Variants in SNX29 observed in about 807,000 individuals in gnomAD.
SNX29 encodes the protein sorting nexin 29.
In SNX29, 78 loss-of-function variants were observed where a neutral mutation model predicts 102.1. That is an observed-to-expected ratio of 0.76 (90% CI 0.64 to 0.92). SNX29 has a LOEUF of 0.92. Ranked by LOEUF, SNX29 falls within the 40% of genes least tolerant of loss-of-function variation. The probability of loss-of-function intolerance (pLI) is 0.00; values close to 1 mark genes in which losing one functional copy is unlikely to be tolerated. For synonymous variants in SNX29, 580 were observed against 414.5 expected (o/e 1.40, Z -4.85); for missense variants, 1,280 against 1,061.7 (o/e 1.21, Z -2.86).
At chr16:12,013,628 A>T (rs2056752941) in intron 3 of SNX29, among the ~76,000 whole-genome samples, 1 of 145,578 alleles carries the variant, frequency 6.9e-6, no homozygotes, top group South Asian at 2.2e-4. Context: ...TAAATTATTT[A>T]TTTTTATTTA....
At chr16:12,551,729 G>A (rs549254383) in intron 20 of SNX29, among the ~76,000 whole-genome samples, 1 of 152,222 alleles carries the variant, frequency 6.6e-6, no homozygotes, top group Non-Finnish European at 1.5e-5. Context: ...AATGGGGACA[G>A]CTGACAAGAA....
chr16:12,511,768 T>TC (rs771438381), intron 19 of SNX29, among the ~76,000 whole-genome samples: 3 of 151,880 alleles, frequency 2.0e-5, no homozygotes, highest in Non-Finnish European at 4.4e-5. Context: ...TGATCTGTCA[T>TC]CCCCCCTCCC....
In SNX29 at chr16:11,995,532, A is replaced by G. The variant is rs188854564; in HGVS notation, c.8-3765A>G. Among the ~76,000 whole-genome samples, 15 of 152,056 alleles carry G rather than the reference A, an allele frequency of 9.9e-5. No homozygotes were observed. In the East Asian group the frequency reaches 2.5e-3, roughly 25 times the overall value. ...AATCTCGGGTAGTTTTTGTATAAAGAACAGGTTTTTCTTTTCTTCCCCCCC... is the reference window on the plus strand; with the variant it reads ...AATCTCGGGTAGTTTTTGTATAAAGGACAGGTTTTTCTTTTCTTCCCCCCC... On this transcript the variant is annotated intron_variant, in intron 1 of 20. Transcript: ENST00000566228.
chr16:12,031,594 C>T (rs2057346935), intron 4 of SNX29, among the ~76,000 whole-genome samples: 1 of 151,636 alleles, frequency 6.6e-6, no homozygotes, highest in African/African-American at 2.4e-5. Flanking sequence ...ATCATGAGGT[C>T]AGGAAATCGA....
intron 20 of SNX29, among the ~76,000 whole-genome samples, chr16:12,542,759 CTTTT>C (rs36004047): frequency 9.7e-5 from 14 of 144,708 alleles, no homozygotes; most frequent in African/African-American, 1.5e-4. Flanking sequence ...CTATCACTGC[CTTTT>C]TTTTTTTTTT....
chr16:12,002,099 A>G (rs1596561973), intron 2 of SNX29, among the ~76,000 whole-genome samples: 1 of 151,770 alleles, frequency 6.6e-6, no homozygotes, highest in South Asian at 2.1e-4. Context: ...ACACCTAAAG[A>G]TGGTTAAAAT....
chr16:12,010,081 C>G (rs2056596889), intron 3 of SNX29, among the ~76,000 whole-genome samples: 1 of 152,198 alleles, frequency 6.6e-6, no homozygotes, highest in South Asian at 2.1e-4. Flanking sequence ...ATATCCTCAA[C>G]TCTGAAATGG....
In SNX29 at chr16:12,569,274, G is replaced by A. The variant is rs2079134444; in HGVS notation, c.*645G>A. 4.4e-6 allele frequency: 1 copy of A among 228,416 alleles called. No homozygotes were observed. Among genetic ancestry groups the A allele is most frequent in the South Asian group, 1.8e-4 (1 of 5,496 alleles). 14.1% of individuals were successfully genotyped at this position (228,416 alleles called of 1,614,324 possible). On this transcript the variant is annotated 3_prime_UTR_variant, in exon 21 of 21. Coordinates refer to ENST00000566228, the MANE Select transcript of SNX29 (RefSeq NM_032167.5). ...TAGTGATGTGCAACTTGAGTTCAGA[G>A]AACTTCCCCTACCTCCCCCATGGCT...
chr16:12,350,278 C>T (rs139369473), intron 15 of SNX29, among the ~76,000 whole-genome samples: 3 of 152,172 alleles, frequency 2.0e-5, no homozygotes, highest in Non-Finnish European at 4.4e-5. Flanking sequence ...TGAACGTGTA[C>T]AGACTTTTTT....
At chr16:12,447,165 C>CAAAA (rs59942122) in intron 18 of SNX29, among the ~76,000 whole-genome samples, 20 of 43,912 alleles carry the variant, frequency 4.6e-4, no homozygotes, top group South Asian at 1.4e-3. Flanking sequence ...GACTCTGTCT[C>CAAAA]AAAAAAAAAA....
chr16:12,569,128 G>A lies in SNX29; in HGVS notation c.*499G>A, dbSNP rs865775386. ...CTAGGGATGGCTGGCTTTGCGGGGG[G>A]GGGGGGGGGGGGGGGCATGGTTCCT... On this transcript the variant is annotated 3_prime_UTR_variant, in exon 21 of 21. Transcript: ENST00000566228. 1.2e-4 allele frequency: 7 copies of A among 58,268 alleles called. No individual in the cohort carries two copies. The South Asian group carries it at 1.9e-3, about 16-fold the overall frequency. The allele number at this position is 58,268 out of a possible 1,614,324, so 3.6% of individuals were successfully genotyped here.
At chr16:12,233,115 C>G (rs1179217764) in intron 14 of SNX29, among the ~76,000 whole-genome samples, 1 of 151,914 alleles carries the variant, frequency 6.6e-6, no homozygotes, top group African/African-American at 2.4e-5. Flanking sequence ...CTTTGTCTTC[C>G]TCCTCCTCCT....
chr16:12,539,689 C>T (rs1445370662), intron 20 of SNX29, among the ~76,000 whole-genome samples: 1 of 152,192 alleles, frequency 6.6e-6, no homozygotes, highest in African/African-American at 2.4e-5. Flanking sequence ...GCACCCTGGG[C>T]AGCATGTCAT....
Position 12,098,446 on chromosome 16 carries a change from C to T in SNX29, c.1402+19531C>T, listed in dbSNP as rs1240391288. 1.3e-5 allele frequency among the ~76,000 whole-genome samples: 2 copies of T among 152,180 alleles called. No homozygotes were observed. Among genetic ancestry groups the T allele is most frequent in the East Asian group, 3.9e-4 (2 of 5,194 alleles). ...GAATAGGGGGTTGGGCATACTGGAG[C>T]TCCCACTTGCAGTGGCCACCGCGTG... On this transcript the variant is annotated intron_variant, in intron 11 of 20. Coordinates refer to ENST00000566228, the MANE Select transcript of SNX29 (RefSeq NM_032167.5). This position sits in a 1 kb window ranked among gnomAD's most constrained non-coding sequence, Gnocchi z 6.0.
rs143641680 is a variant in SNX29 at position 12,199,154 on chromosome 16, G to T, written c.1596-447G>T. Among the ~76,000 whole-genome samples the T allele has an allele frequency of 4.0e-3, 605 of 152,328 alleles. 5 individuals are homozygous for T. Among genetic ancestry groups the T allele is most frequent in the African/African-American group, 0.014 (578 of 41,566 alleles). ...ATTCTATACAGACACTTGACATGAT[G>T]CCTGGCAAATAATAAATGTTTAGTA... On this transcript the variant is annotated intron_variant, in intron 13 of 20. Coordinates refer to ENST00000566228, the MANE Select transcript of SNX29 (RefSeq NM_032167.5).
At chr16:12,365,859 G>A (rs2082455063) in intron 16 of SNX29, among the ~76,000 whole-genome samples, 1 of 151,630 alleles carries the variant, frequency 6.6e-6, no homozygotes, top group South Asian at 2.1e-4. Context: ...TGGCTAACAT[G>A]GTGAAACCCC....
chr16:12,551,609 G>C (rs763601274), intron 20 of SNX29, among the ~76,000 whole-genome samples: 6 of 152,178 alleles, frequency 3.9e-5, no homozygotes, highest in Admixed American at 6.5e-5. Context: ...GTTACAATTA[G>C]ATCTGAGTCT....
At chr16:12,424,897 A>C (rs541247777) in intron 18 of SNX29, among the ~76,000 whole-genome samples, 2 of 152,360 alleles carry the variant, frequency 1.3e-5, no homozygotes, top group South Asian at 2.1e-4. Context: ...AATTAATACT[A>C]ATCAACCACA....
chr16:11,987,748 G>A (rs534509197), intron 1 of SNX29, among the ~76,000 whole-genome samples: 66 of 152,318 alleles, frequency 4.3e-4, no homozygotes, highest in African/African-American at 1.5e-3. Flanking sequence ...AGCAAGTAAT[G>A]AATGTATAGT....
Sources: gnomAD v4.1 joint callset for allele counts (sites outside exome capture counted in the v4.1 genomes callset) on GRCh38, gnomAD v4.1.1 for gene constraint, Gnocchi (gnomAD v3.1) non-coding constraint, MANE v1.5 for transcripts, NCBI Gene and HGNC (gene_info 2026-07-23, HGNC 2026-07-21) for gene names.